SLMAP: variants seen among roughly 807,000 people sequenced by gnomAD.
SLMAP encodes the protein sarcolemmal membrane-associated protein.
A neutral mutation model predicts 128.8 loss-of-function variants in SLMAP; 44 were observed. That is an observed-to-expected ratio of 0.34 (90% CI 0.27 to 0.44). The LOEUF is 0.44. Ranked by LOEUF, SLMAP falls within the 20% of genes least tolerant of loss-of-function variation. The pLI, the probability that SLMAP is intolerant of heterozygous loss-of-function variation, is 1.00. For synonymous variants in SLMAP, 327 were observed against 348.8 expected (o/e 0.94, Z 0.70); for missense variants, 787 against 985.3 (o/e 0.80, Z 2.69).
chr3:57,886,618 T>G (rs1162000497), intron 14 of SLMAP, among the ~76,000 whole-genome samples: 1 of 150,450 alleles, frequency 6.6e-6, no homozygotes, highest in Non-Finnish European at 1.5e-5. Flanking sequence ...AAAGAAAATT[T>G]GAGGTTTAAT....
intron 2 of SLMAP, among the ~76,000 whole-genome samples, chr3:57,759,465 CAG>C (rs2078197475): frequency 6.6e-6 from 1 of 152,092 alleles, no homozygotes; most frequent in Non-Finnish European, 1.5e-5. Context: ...TTAGTAGAGA[CAG>C]GGTTTCACCA....
At chr3:57,906,373 T>C (rs527542879) in intron 17 of SLMAP, among the ~76,000 whole-genome samples, 12 of 139,902 alleles carry the variant, frequency 8.6e-5, no homozygotes, top group African/African-American at 3.2e-4. Flanking sequence ...TGGAGTGCAG[T>C]GGCGCGATCT....
At chr3:57,823,206 G>A (rs2092663376) in intron 2 of SLMAP, among the ~76,000 whole-genome samples, 1 of 152,066 alleles carries the variant, frequency 6.6e-6, no homozygotes, top group African/African-American at 2.4e-5. Context: ...TCTGATTTGG[G>A]TAATTTATTT....
At chr3:57,791,769 G>A (rs749068769) in intron 2 of SLMAP, among the ~76,000 whole-genome samples, 105 of 151,650 alleles carry the variant, frequency 6.9e-4, no homozygotes, top group Non-Finnish European at 1.4e-3. Flanking sequence ...TCTCATATTT[G>A]AACCAATTTA....
At chr3:57,807,037 A>G (rs182778122) in intron 2 of SLMAP, among the ~76,000 whole-genome samples, 22 of 152,192 alleles carry the variant, frequency 1.4e-4, no homozygotes, top group African/African-American at 5.3e-4. Flanking sequence ...GTTGTTTCTT[A>G]GCTTTTTAAT....
chr3:57,878,363 T>C (rs1307507291), intron 14 of SLMAP, among the ~76,000 whole-genome samples: 1 of 152,238 alleles, frequency 6.6e-6, no homozygotes, highest in Non-Finnish European at 1.5e-5. Context: ...GGGAAATAAT[T>C]TTCTGGTTTG....
At chr3:57,762,711 T>TC (rs1345711994) in intron 2 of SLMAP, among the ~76,000 whole-genome samples, 1 of 92,118 alleles carries the variant, frequency 1.1e-5, no homozygotes, top group Non-Finnish European at 2.3e-5. Flanking sequence ...AGTAGAATGG[T>TC]TTTTTTTTTT....
At chr3:57,887,258 T>C (rs1260293227) in intron 14 of SLMAP, among the ~76,000 whole-genome samples, 1 of 151,636 alleles carries the variant, frequency 6.6e-6, no homozygotes, top group Non-Finnish European at 1.5e-5. Flanking sequence ...TTTTTGAGTT[T>C]CACTCTTGTT....
At chr3:57,805,107 G>T (rs2089537667) in intron 2 of SLMAP, among the ~76,000 whole-genome samples, 2 of 151,978 alleles carry the variant, frequency 1.3e-5, no homozygotes, top group African/African-American at 4.8e-5. Context: ...TGTTTCCCTG[G>T]CCTCTTGGAT....
chr3:57,765,075 G>A (rs2079414853), intron 2 of SLMAP, among the ~76,000 whole-genome samples: 1 of 152,188 alleles, frequency 6.6e-6, no homozygotes, highest in Admixed American at 6.5e-5. Flanking sequence ...AGAATGGCCA[G>A]GAACAGTGGC....
intron 2 of SLMAP, among the ~76,000 whole-genome samples, chr3:57,814,526 G>A (rs1438682186): frequency 6.6e-6 from 1 of 152,128 alleles, no homozygotes; most frequent in Admixed American, 6.5e-5. Flanking sequence ...TTTAGAAAAG[G>A]AATTATGACA....
chr3:57,802,915 C>CA (rs1272605967), intron 2 of SLMAP, among the ~76,000 whole-genome samples: 1 of 151,748 alleles, frequency 6.6e-6, no homozygotes, highest in Non-Finnish European at 1.5e-5. Flanking sequence ...TACTTAGCCA[C>CA]AAAAAAAGTT....
chr3:57,798,711 CTGT>C (rs1425115779), intron 2 of SLMAP, among the ~76,000 whole-genome samples: 1 of 152,130 alleles, frequency 6.6e-6, no homozygotes, highest in Non-Finnish European at 1.5e-5. Context: ...TAGCCAAATG[CTGT>C]TAAGAGATAA....
chr3:57,866,632 G>A lies in SLMAP; in HGVS notation c.1237+1340G>A, dbSNP rs551546589. Reference sequence around the variant, plus strand: ...TTTAAATTTGAGAATTTTTAAAGGTGTAGTTTATATTCATTGCGATCAAGC... The same window carrying A: ...TTTAAATTTGAGAATTTTTAAAGGTATAGTTTATATTCATTGCGATCAAGC... On this transcript the variant is annotated intron_variant, in intron 13 of 24. Transcript: ENST00000671191. 1.7e-3 allele frequency among the ~76,000 whole-genome samples: 255 copies of A among 152,310 alleles called. 1 individual carries two copies. The highest frequency in any genetic ancestry group is 5.8e-3 in the African/African-American group (243 of 41,568).
chr3:57,907,962 A>G lies in SLMAP; in HGVS notation c.1580A>G (p.Gln527Arg). 1 of 1,613,962 alleles carries G rather than the reference A, an allele frequency of 6.2e-7. No homozygotes were observed. ...QHLRKELIEA[Q>R]ELARTSKQKC... ...CTTCGAAAGGAATTGATCGAAGCCC[A>G]GGAGCTAGCTAGAACAAGTAAACAA... is the stretch of plus-strand genomic sequence containing the variant. The change falls in exon 18 of 25, where the codon CAG becomes CGG. Residue 527 changes from glutamine (Q) to arginine (R), a missense_variant. This residue lies in a region of SLMAP where 715 missense variants were observed against 843.6 expected (regional missense o/e 0.85). Coordinates refer to ENST00000671191, the MANE Select transcript of SLMAP (RefSeq NM_001377540.1).
At chr3:57,858,198 G>GT in intron 8 of SLMAP, 39 bp downstream of exon 8, 1 of 1,087,768 alleles carries the variant, frequency 9.2e-7, no homozygotes, top group Non-Finnish European at 1.4e-6. Context: ...GAAATGCATA[G>GT]TTTTTTATGT....
At chr3:57,835,880 CAA>C (rs2093616391) in intron 3 of SLMAP, among the ~76,000 whole-genome samples, 1 of 146,640 alleles carries the variant, frequency 6.8e-6, no homozygotes, top group Admixed American at 6.6e-5. Context: ...GCCTGCAAAA[CAA>C]TACTATATAG....
chr3:57,925,149 T>C (rs572859645), intron 23 of SLMAP, among the ~76,000 whole-genome samples: 1 of 151,866 alleles, frequency 6.6e-6, no homozygotes, highest in African/African-American at 2.4e-5. Flanking sequence ...GGGACAGGGT[T>C]TTGCCATGTG....
At chr3:57,917,428 G>A (rs561322304) in intron 22 of SLMAP, 12 of 318,824 alleles carry the variant, frequency 3.8e-5, no homozygotes, top group African/African-American at 1.7e-4. Context: ...GCAAACTGAG[G>A]CCATACTCTA....
Sources: gnomAD v4.1 joint callset for allele counts (sites outside exome capture counted in the v4.1 genomes callset) on GRCh38, gnomAD v4.1.1 for gene constraint, gnomAD v4.1.1 regional missense constraint, MANE v1.5 for transcripts, NCBI Gene and HGNC (gene_info 2026-07-23, HGNC 2026-07-21) for gene names.